Variants in PAK5 observed in about 807,000 individuals in gnomAD.
PAK5 encodes serine/threonine-protein kinase PAK 5.
PAK5 carries 16 observed loss-of-function variants against 65.9 expected under a neutral mutation model. That is an observed-to-expected ratio of 0.24 (90% confidence interval 0.16 to 0.37). The LOEUF is 0.37. Among genes scored for constraint, PAK5 ranks in the 10% least tolerant of loss-of-function variants. PAK5 has a pLI of 1.00. For synonymous variants in PAK5, 371 were observed against 354.9 expected, an observed-to-expected ratio of 1.05 and a Z score of -0.51; for missense variants, 785 against 903.9, an observed-to-expected ratio of 0.87 and a Z score of 1.69.
intron 2 of PAK5, among the ~76,000 whole-genome samples, chr20:9,689,138 T>G (rs888979868): frequency 6.6e-6 from 1 of 152,186 alleles, no homozygotes; most frequent in Non-Finnish European, 1.5e-5. Context: ...AGTTGAACAT[T>G]TCTCTCCTCA....
chr20:9,761,254 C>T (rs1329318936), intron 1 of PAK5, among the ~76,000 whole-genome samples: 1 of 152,084 alleles, frequency 6.6e-6, no homozygotes, highest in Non-Finnish European at 1.5e-5. Context: ...CACAGAAGGA[C>T]ATCTCTGCTT....
In PAK5 at chr20:9,793,709, G is replaced by T. The variant is rs139161077; in HGVS notation, c.-162+45053C>A. Among the ~76,000 whole-genome samples the T allele has an allele frequency of 4.0e-3, 616 of 152,110 alleles. 8 individuals are homozygous for T. The highest frequency in any genetic ancestry group is 0.034 in the East Asian group (174 of 5,170). On this transcript the variant is annotated intron_variant, in intron 1 of 9. Coordinates refer to ENST00000353224, the MANE Select transcript of PAK5 (RefSeq NM_177990.4). ...TGTTGGTGAGGTTATGGAGAAATAG[G>T]AACACTTTTACACTGTTGATGAGTG...
chr20:9,571,249 C>T (rs1452280629), intron 4 of PAK5, among the ~76,000 whole-genome samples: 2 of 152,218 alleles, frequency 1.3e-5, no homozygotes, highest in Non-Finnish European at 2.9e-5. Flanking sequence ...TTTGGGGCCA[C>T]CAAGGTGCTG....
chr20:9,667,128 T>C (rs892853456), intron 2 of PAK5, among the ~76,000 whole-genome samples: 3 of 152,040 alleles, frequency 2.0e-5, no homozygotes, highest in Admixed American at 6.6e-5. Context: ...AATACAAAAA[T>C]TAGCTGAGCG....
intron 1 of PAK5, among the ~76,000 whole-genome samples, chr20:9,743,555 G>A (rs2048474158): frequency 6.6e-6 from 1 of 152,100 alleles, no homozygotes; most frequent in South Asian, 2.1e-4. Flanking sequence ...GTGCAGAAAA[G>A]GGGATCTTTA....
chr20:9,772,469 C>CT, intron 1 of PAK5, among the ~76,000 whole-genome samples: 1 of 6,964 alleles, frequency 1.4e-4, no homozygotes, highest in East Asian at 0.01. Flanking sequence ...TGCCATTGGT[C>CT]AGAGGTCAAT....
rs35328499 is a variant in PAK5, at chr20:9,571,874, TG to T, written c.991-5491del. ...AATTCACAGAGATAGGCATGAATGA[TG>T]GGGGGGGGGGATGTGGTCTTAACAG... On this transcript the variant is annotated intron_variant, in intron 4 of 9. Coordinates refer to ENST00000353224, the MANE Select transcript of PAK5 (RefSeq NM_177990.4). Among the ~76,000 whole-genome samples, 254 of 39,222 alleles carry T rather than the reference TG, an allele frequency of 6.5e-3. 2 individuals carry two copies. Among genetic ancestry groups the T allele is most frequent in the East Asian group, 0.024 (23 of 942 alleles). The allele number at this position is 39,222 out of a possible 152,430, so 25.7% of individuals were successfully genotyped here. A position where few individuals can be genotyped will look rare whatever the true frequency, so the allele number is the denominator to read the frequency against.
At chr20:9,693,194 G>A (rs1288624295) in intron 2 of PAK5, among the ~76,000 whole-genome samples, 2 of 152,042 alleles carry the variant, frequency 1.3e-5, no homozygotes, top group African/African-American at 4.8e-5. Flanking sequence ...GAAGGCAATT[G>A]ATATTCCTCT....
At chr20:9,560,248 T>G (rs1177294812) in intron 6 of PAK5, among the ~76,000 whole-genome samples, 2 of 152,242 alleles carry the variant, frequency 1.3e-5, no homozygotes, top group Non-Finnish European at 2.9e-5. Flanking sequence ...CTTCTTCTAC[T>G]TCTTTCCTAT....
At chr20:9,799,804 G>A (rs2049146763) in intron 1 of PAK5, among the ~76,000 whole-genome samples, 1 of 151,728 alleles carries the variant, frequency 6.6e-6, no homozygotes, top group Non-Finnish European at 1.5e-5. Flanking sequence ...AGCTGAGTGT[G>A]ATGGTGTGCG....
intron 1 of PAK5, among the ~76,000 whole-genome samples, chr20:9,789,253 C>T (rs994783072): frequency 1.3e-5 from 2 of 152,120 alleles, no homozygotes; most frequent in African/African-American, 4.8e-5. Context: ...ATGTCTTATT[C>T]ACAACTCTTG....
At chr20:9,686,585 CTATGAT>C (rs1338381936) in intron 2 of PAK5, among the ~76,000 whole-genome samples, 1 of 152,126 alleles carries the variant, frequency 6.6e-6, no homozygotes, top group Non-Finnish European at 1.5e-5. Context: ...CTGCATCCTT[CTATGAT>C]TACAGCTCCT....
intron 1 of PAK5, among the ~76,000 whole-genome samples, chr20:9,737,137 G>A (rs2123572168): frequency 6.6e-6 from 1 of 151,396 alleles, no homozygotes; most frequent in South Asian, 2.1e-4. Flanking sequence ...GACATAGCAA[G>A]GTGATGGACA....
At chr20:9,600,453 C>T (rs1416354551) in intron 3 of PAK5, among the ~76,000 whole-genome samples, 2 of 152,188 alleles carry the variant, frequency 1.3e-5, no homozygotes, top group Non-Finnish European at 2.9e-5. Flanking sequence ...TTCACCTTAA[C>T]AATATTATGT....
At chr20:9,813,376 A>G (rs563919402) in intron 1 of PAK5, among the ~76,000 whole-genome samples, 36 of 151,624 alleles carry the variant, frequency 2.4e-4, no homozygotes, top group African/African-American at 6.0e-4. Flanking sequence ...ATAAAGCTCA[A>G]AAATAAAATA....
At chr20:9,758,556 A>AT (rs1454821700) in intron 1 of PAK5, among the ~76,000 whole-genome samples, 1 of 152,174 alleles carries the variant, frequency 6.6e-6, no homozygotes, top group Non-Finnish European at 1.5e-5. Flanking sequence ...TAGAACAGTG[A>AT]TAGCTGATTG....
intron 7 of PAK5, among the ~76,000 whole-genome samples, chr20:9,549,950 T>C (rs932182936): frequency 1.3e-5 from 2 of 152,218 alleles, no homozygotes; most frequent in Non-Finnish European, 2.9e-5. Context: ...ACAGTTTCTA[T>C]GAATCCATGT....
In PAK5 at chr20:9,542,569, C is replaced by T. The variant is rs1176328167; in HGVS notation, c.2004+17G>A. The T allele has an allele frequency of 4.3e-6, 7 of 1,613,948 alleles. No individual in the cohort carries two copies. Among genetic ancestry groups the T allele is most frequent in the Non-Finnish European group, 5.9e-6 (7 of 1,179,826 alleles). On this transcript the variant is annotated intron_variant, in intron 9 of 9. Transcript: ENST00000353224. Reference sequence around the variant, plus strand: ...CAAAAACTATTCTGAACTTTAGCAACAGCTGCTGTTTCTCACCTTGTGTAG... The same window carrying T: ...CAAAAACTATTCTGAACTTTAGCAATAGCTGCTGTTTCTCACCTTGTGTAG...
chr20:9,692,964 A>G (rs2047817674), intron 2 of PAK5, among the ~76,000 whole-genome samples: 1 of 152,224 alleles, frequency 6.6e-6, no homozygotes, highest in Admixed American at 6.5e-5. Context: ...TACTAAAAGA[A>G]TTAAATAAAA....
Sources: allele counts gnomAD v4.1 joint callset (sites outside exome capture counted in the v4.1 genomes callset), GRCh38; gene constraint gnomAD v4.1.1; transcripts MANE v1.5; gene names NCBI Gene and HGNC (gene_info 2026-07-23, HGNC 2026-07-21).